Variants in SGCZ observed in about 807,000 individuals in gnomAD.
SGCZ encodes the protein sarcoglycan zeta.
A neutral mutation model predicts 41.3 loss-of-function variants in SGCZ; 40 were observed. That is an observed-to-expected ratio of 0.97 (90% CI 0.75 to 1.26). The LOEUF is 1.26. SGCZ is among the 50% of genes most tolerant of loss of function. The pLI, the probability that SGCZ is intolerant of heterozygous loss-of-function variation, is 0.00. For missense variants in SGCZ, 552 were observed against 369.8 expected (o/e 1.49, Z -4.04); for synonymous variants, 206 against 137.5 (o/e 1.50, Z -3.49).
intron 1 of SGCZ, among the ~76,000 whole-genome samples, chr8:15,109,758 G>T (rs1806974841): frequency 6.6e-6 from 1 of 152,110 alleles, no homozygotes; most frequent in African/African-American, 2.4e-5. Flanking sequence ...ACATAGTTTT[G>T]TGAACATGTT....
At chr8:14,155,190 C>A (rs1253170392) in intron 5 of SGCZ, among the ~76,000 whole-genome samples, 6 of 152,158 alleles carry the variant, frequency 3.9e-5, no homozygotes, top group African/African-American at 1.4e-4. Context: ...TCAATTTTTC[C>A]TTGATTCCTG....
At chr8:14,511,542 G>A (rs768807352) in intron 2 of SGCZ, among the ~76,000 whole-genome samples, 1 of 151,902 alleles carries the variant, frequency 6.6e-6, no homozygotes, top group Non-Finnish European at 1.5e-5. Flanking sequence ...TCCAATGGAA[G>A]GATAGGCTAA....
chr8:14,125,733 G>C (rs532537052), intron 5 of SGCZ, among the ~76,000 whole-genome samples: 1 of 151,844 alleles, frequency 6.6e-6, no homozygotes, highest in Non-Finnish European at 1.5e-5. Context: ...AAACTACCAG[G>C]CTACAGTAAC....
chr8:14,574,142 G>A (rs942172888), intron 1 of SGCZ, among the ~76,000 whole-genome samples: 40 of 152,232 alleles, frequency 2.6e-4, no homozygotes, highest in African/African-American at 9.1e-4. Context: ...TTTGATGCAG[G>A]TTTCATATAA....
intron 1 of SGCZ, among the ~76,000 whole-genome samples, chr8:14,850,449 G>C (rs1003588644): frequency 1.3e-5 from 2 of 152,124 alleles, no homozygotes; most frequent in Non-Finnish European, 2.9e-5. Flanking sequence ...TTTGATTGGC[G>C]AGATGGTGGA....
intron 1 of SGCZ, among the ~76,000 whole-genome samples, chr8:14,943,544 G>A (rs769457705): frequency 6.6e-6 from 1 of 152,122 alleles, no homozygotes; most frequent in Non-Finnish European, 1.5e-5. Context: ...GAATGGAACA[G>A]AAAAAGCAAT....
intron 1 of SGCZ, among the ~76,000 whole-genome samples, chr8:14,847,290 T>C (rs1803165038): frequency 6.6e-6 from 1 of 152,142 alleles, no homozygotes; most frequent in African/African-American, 2.4e-5. Context: ...TATGCTGATA[T>C]GAAGACTTGA....
At position 14,146,368 on chromosome 8, in the gene SGCZ, A is replaced by T. The variant is rs1224139743; in HGVS notation, c.547+18212T>A. Among the ~76,000 whole-genome samples, 2 of 152,138 alleles carry T rather than the reference A, an allele frequency of 1.3e-5. 1 individual carries two copies. Among genetic ancestry groups the T allele is most frequent in the Non-Finnish European group, 2.9e-5 (2 of 68,030 alleles). ...TATCTTTTGAATATGAAGAAGAAAT[A>T]AAAACTTCCCCAGACAAACTAAAGC... On this transcript the variant is annotated intron_variant, in intron 5 of 7. Coordinates refer to ENST00000382080, the MANE Select transcript of SGCZ (RefSeq NM_139167.4).
intron 1 of SGCZ, among the ~76,000 whole-genome samples, chr8:14,681,596 C>T (rs1312152914): frequency 6.6e-6 from 1 of 152,100 alleles, no homozygotes; most frequent in South Asian, 2.1e-4. Flanking sequence ...TTCGAAATAC[C>T]TCATTCATAT....
intron 1 of SGCZ, among the ~76,000 whole-genome samples, chr8:14,825,494 T>C (rs1449378794): frequency 2.0e-5 from 3 of 152,214 alleles, no homozygotes; most frequent in Non-Finnish European, 4.4e-5. Flanking sequence ...TAATAATTTT[T>C]CTATACAAAA....
At chr8:14,861,178 G>A (rs572869410) in intron 1 of SGCZ, among the ~76,000 whole-genome samples, 52 of 152,228 alleles carry the variant, frequency 3.4e-4, no homozygotes, top group African/African-American at 1.3e-3. Context: ...GAGAAAACTT[G>A]TTTCTAAGAA....
chr8:14,114,583 C>T (rs1453768852), intron 5 of SGCZ, among the ~76,000 whole-genome samples: 1 of 151,574 alleles, frequency 6.6e-6, no homozygotes, highest in Non-Finnish European at 1.5e-5. Context: ...TCTTGGATGC[C>T]AAATAATATC....
At chr8:14,176,270 C>T (rs1325284283) in intron 4 of SGCZ, among the ~76,000 whole-genome samples, 1 of 152,100 alleles carries the variant, frequency 6.6e-6, no homozygotes, top group Non-Finnish European at 1.5e-5. Context: ...ATAATTCTGG[C>T]ATAATGCAAA....
intron 5 of SGCZ, among the ~76,000 whole-genome samples, chr8:14,115,761 C>A (rs1563135522): frequency 6.6e-6 from 1 of 151,798 alleles, no homozygotes. Context: ...ATTTAGAAAT[C>A]TCCCATCAGT....
intron 4 of SGCZ, chr8:14,164,994 G>T: frequency 1.3e-5 from 4 of 299,826 alleles, no homozygotes; most frequent in Admixed American, 9.5e-5. Context: ...GACAATGTTT[G>T]CTTTGTTCTC....
intron 2 of SGCZ, among the ~76,000 whole-genome samples, chr8:14,552,403 A>G (rs765230141): frequency 1.3e-5 from 2 of 152,020 alleles, no homozygotes; most frequent in Non-Finnish European, 2.9e-5. Context: ...TGAAAACTTC[A>G]TCTGTGCATT....
intron 3 of SGCZ, among the ~76,000 whole-genome samples, chr8:14,253,892 A>G (rs1799372981): frequency 6.6e-6 from 1 of 151,592 alleles, no homozygotes; most frequent in East Asian, 2.0e-4. Context: ...AGGACTTTCA[A>G]AAATCTTTTT....
At chr8:14,317,765 A>C (rs1293496092) in intron 3 of SGCZ, among the ~76,000 whole-genome samples, 3 of 151,904 alleles carry the variant, frequency 2.0e-5, no homozygotes, top group Non-Finnish European at 1.5e-5. Context: ...TTGCCATAAA[A>C]GTCATGGCAA....
chr8:14,659,023 A>C (rs552558265), intron 1 of SGCZ, among the ~76,000 whole-genome samples: 48 of 152,174 alleles, frequency 3.2e-4, no homozygotes, highest in Non-Finnish European at 4.3e-4. Context: ...CCAATGTGAA[A>C]AAAACTATGA....
Sources: gnomAD v4.1 joint callset for allele counts (sites outside exome capture counted in the v4.1 genomes callset) on GRCh38, gnomAD v4.1.1 for gene constraint, MANE v1.5 for transcripts, NCBI Gene and HGNC (gene_info 2026-07-23, HGNC 2026-07-21) for gene names.